BCAS3: variants seen among roughly 807,000 people sequenced by gnomAD.
BCAS3 encodes BCAS3 microtubule associated cell migration factor, also known as BCAS4/BCAS3 fusion.
Under a neutral mutation model 116.1 loss-of-function variants are expected in BCAS3, and 53 were observed. The observed-to-expected ratio is 0.46, with a 90% CI of 0.37 to 0.57. The LOEUF is 0.57. Ranked by LOEUF, BCAS3 falls within the 20% of genes least tolerant of loss-of-function variation. The pLI, the probability that BCAS3 is intolerant of heterozygous loss-of-function variation, is 0.00. For synonymous variants in BCAS3, 391 were observed against 408.2 expected (o/e 0.96, Z 0.51); for missense variants, 917 against 1,165.4 (o/e 0.79, Z 3.10).
chr17:61,172,743 T>G (rs1303662470), intron 22 of BCAS3, among the ~76,000 whole-genome samples: 3 of 151,540 alleles, frequency 2.0e-5, no homozygotes, highest in East Asian at 3.9e-4. Context: ...CCCAGCACTT[T>G]GGGAGGCCAA....
chr17:61,152,270 A>G (rs1043635112), intron 22 of BCAS3, among the ~76,000 whole-genome samples: 1 of 152,104 alleles, frequency 6.6e-6, no homozygotes, highest in Non-Finnish European at 1.5e-5. Flanking sequence ...TTTTTGTCCT[A>G]TCAGAGTGCC....
At chr17:60,965,137 C>G (rs183554510) in intron 14 of BCAS3, among the ~76,000 whole-genome samples, 1 of 151,736 alleles carries the variant, frequency 6.6e-6, no homozygotes, top group Non-Finnish European at 1.5e-5. Flanking sequence ...TCATTTGAAG[C>G]CTTTCATTTT....
At position 61,021,537 on chromosome 17, in the gene BCAS3, A is replaced by C. The variant is rs963315882; in HGVS notation, c.1637+5636A>C. On this transcript the variant is annotated intron_variant, in intron 16 of 23. Transcript: ENST00000407086. This position sits in a 1 kb window ranked among gnomAD's most constrained non-coding sequence, Gnocchi z 4.6. ...CAGTGTGTCCTAGGTAAATTTCTTC[A>C]CCTGAAAAAAAAAAGTTTATATATA... is the stretch of plus-strand genomic sequence containing the variant. Among the ~76,000 whole-genome samples the C allele has an allele frequency of 6.6e-6, 1 of 151,342 alleles. No homozygotes were observed. Among genetic ancestry groups the C allele is most frequent in the Non-Finnish European group, 1.5e-5 (1 of 67,844 alleles).
At chr17:60,892,839 T>C (rs1197617662) in intron 10 of BCAS3, among the ~76,000 whole-genome samples, 2 of 151,978 alleles carry the variant, frequency 1.3e-5, no homozygotes, top group Admixed American at 6.6e-5. Context: ...GGAGAATCAC[T>C]TGAACCCGGG....
At chr17:61,359,242 T>C (rs2058321976) in intron 22 of BCAS3, among the ~76,000 whole-genome samples, 1 of 152,188 alleles carries the variant, frequency 6.6e-6, no homozygotes. Flanking sequence ...TACAGAGCCC[T>C]GGGGTAATCC....
chr17:60,954,864 TA>T (rs1489347967), intron 14 of BCAS3, among the ~76,000 whole-genome samples: 3 of 152,212 alleles, frequency 2.0e-5, no homozygotes, highest in Non-Finnish European at 2.9e-5. Flanking sequence ...CTACTGAGTT[TA>T]ATGAAATTGA....
At chr17:61,086,602 T>G in intron 22 of BCAS3, 8 of 759,440 alleles carry the variant, frequency 1.1e-5, no homozygotes, top group Non-Finnish European at 1.3e-5. Context: ...ATACACTGTA[T>G]GAGTTTCGAT....
At position 61,037,208 on chromosome 17, in the gene BCAS3, G is replaced by A. The variant is rs1032672218; in HGVS notation, c.1763-681G>A. Among the ~76,000 whole-genome samples the A allele has an allele frequency of 6.6e-6, 1 of 152,098 alleles. No individual in the cohort carries two copies. The highest frequency in any genetic ancestry group is 1.5e-5 in the Non-Finnish European group (1 of 68,008). On this transcript the variant is annotated intron_variant, in intron 17 of 23. Transcript: ENST00000407086. The surrounding 1 kb of genome is among the most constrained non-coding windows in gnomAD (Gnocchi z 4.7). The stretch of plus-strand genomic sequence containing the variant: ...CATGCAAGTCATTTGGTACATGCAG[G>A]GTAACTAAATCCTAGTCCATACATT...
chr17:60,769,845 G>T (rs962623244), intron 6 of BCAS3, among the ~76,000 whole-genome samples: 1 of 151,692 alleles, frequency 6.6e-6, no homozygotes, highest in African/African-American at 2.4e-5. Context: ...TGTGATCTCC[G>T]CTCACTGCAA....
At chr17:60,875,078 TA>T (rs2055467559) in intron 9 of BCAS3, among the ~76,000 whole-genome samples, 1 of 152,146 alleles carries the variant, frequency 6.6e-6, no homozygotes, top group African/African-American at 2.4e-5. Flanking sequence ...TTTTATACAT[TA>T]TACCTTTACA....
intron 22 of BCAS3, among the ~76,000 whole-genome samples, chr17:61,221,703 G>C (rs537591338): frequency 6.4e-4 from 97 of 152,250 alleles, no homozygotes; most frequent in Non-Finnish European, 3.4e-4. Flanking sequence ...GCTTAGATGT[G>C]CCTGTGGTTG....
At chr17:61,108,019 A>C (rs2074786227) in intron 22 of BCAS3, among the ~76,000 whole-genome samples, 2 of 152,340 alleles carry the variant, frequency 1.3e-5, no homozygotes, top group African/African-American at 4.8e-5. Flanking sequence ...AGAATTATTG[A>C]AGTCTCCAGC....
intron 22 of BCAS3, among the ~76,000 whole-genome samples, chr17:61,218,225 G>T (rs771682060): frequency 1.3e-5 from 2 of 152,188 alleles, no homozygotes; most frequent in South Asian, 2.1e-4. Context: ...GCATTCCAAG[G>T]CTGCTGTGAG....
At chr17:61,092,298 A>G (rs1442176787) in intron 22 of BCAS3, among the ~76,000 whole-genome samples, 4 of 152,132 alleles carry the variant, frequency 2.6e-5, no homozygotes. Flanking sequence ...TAAAGCTGCT[A>G]TAAACATTTT....
chr17:60,733,525 A>G (rs11079400), intron 5 of BCAS3, among the ~76,000 whole-genome samples: 1 of 152,178 alleles, frequency 6.6e-6, no homozygotes, highest in African/African-American at 2.4e-5. Context: ...ATGATCTTCC[A>G]TGTCTAGTGG....
intron 22 of BCAS3, among the ~76,000 whole-genome samples, chr17:61,138,333 C>A (rs1479023029): frequency 6.6e-6 from 1 of 152,198 alleles, no homozygotes; most frequent in African/African-American, 2.4e-5. Flanking sequence ...TTATCCCCAG[C>A]AAACATCTTA....
In BCAS3 at chr17:61,037,928, T is replaced by C; in HGVS notation, c.1802T>C (p.Ile601Thr). The part of the protein sequence containing the change: ...KQVVVESLYI[I>T]SCYGTLVEHM... ...GTTGTAGTTGAGTCCCTGTACATTA[T>C]CAGTTGCTATGGCACCTTAGTGGAA... The change falls in exon 18 of 24, where the codon ATC becomes ACC. Residue 601 changes from isoleucine to threonine, a missense_variant. By Grantham distance (89) the Ile-to-Thr change is moderately conservative. Transcript: ENST00000407086. This position sits in a 1 kb window ranked among gnomAD's most constrained non-coding sequence, Gnocchi z 4.7. 9 of 1,614,102 alleles carry C rather than the reference T, an allele frequency of 5.6e-6. No homozygotes were observed. Among genetic ancestry groups the C allele is most frequent in the South Asian group, 1.1e-5 (1 of 91,084 alleles).
intron 22 of BCAS3, among the ~76,000 whole-genome samples, chr17:61,252,825 C>G (rs978501016): frequency 2.0e-4 from 30 of 152,072 alleles, no homozygotes; most frequent in African/African-American, 7.2e-4. Flanking sequence ...GGCTAAGCTG[C>G]CCTTTCTTCC....
At chr17:60,825,867 T>TTTC in intron 7 of BCAS3, among the ~76,000 whole-genome samples, 1 of 150,410 alleles carries the variant, frequency 6.6e-6, no homozygotes, top group African/African-American at 2.4e-5. Flanking sequence ...GTTTTTTTTT[T>TTTC]TTTTTTTTGA....
Sources: allele counts gnomAD v4.1 joint callset (sites outside exome capture counted in the v4.1 genomes callset), GRCh38; gene constraint gnomAD v4.1.1; non-coding constraint Gnocchi (gnomAD v3.1); transcripts MANE v1.5; gene names NCBI Gene and HGNC (gene_info 2026-07-23, HGNC 2026-07-21).